The following ZNF540 variants were observed in gnomAD, a reference collection of about 807,000 sequenced individuals.
The protein encoded by ZNF540 is CTD-3064H18.6.
ZNF540 carries 3 observed loss-of-function variants against 11.8 expected under a neutral mutation model. The ratio of observed to expected loss-of-function variants is 0.25; its 90% confidence interval spans 0.12 to 0.65. The LOEUF (loss-of-function observed/expected upper bound fraction) is 0.65. Among genes scored for constraint, ZNF540 ranks in the 30% least tolerant of loss-of-function variants. ZNF540 has a pLI of 0.83. For missense variants in ZNF540, 709 were observed against 793.1 expected (o/e 0.89, Z 1.27); for synonymous variants, 247 against 259.0 (o/e 0.95, Z 0.45).
intron 4 of ZNF540, among the ~76,000 whole-genome samples, chr19:37,609,592 A>C (rs1393336612): frequency 6.6e-5 from 10 of 151,168 alleles, no homozygotes; most frequent in Admixed American, 6.6e-4. Context: ...TCATGCCTGG[A>C]ATCCCAGCTC....
intron 1 of ZNF540, among the ~76,000 whole-genome samples, chr19:37,558,817 T>C (rs2042687881): frequency 2.4e-5 from 2 of 84,462 alleles, no homozygotes; most frequent in Non-Finnish European, 3.7e-5. Context: ...AACTTCACTA[T>C]ATATATATAT....
intron 1 of ZNF540, among the ~76,000 whole-genome samples, chr19:37,561,048 C>CAAAAAAAAA (rs199892724): frequency 4.9e-4 from 36 of 73,764 alleles, no homozygotes; most frequent in Middle Eastern, 0.01. Context: ...CCTGTCTCTA[C>CAAAAAAAAA]AAAAAAAAAA....
At chr19:37,551,835 G>GTGT (rs66891327) in intron 1 of ZNF540, among the ~76,000 whole-genome samples, 3 of 114,486 alleles carry the variant, frequency 2.6e-5, no homozygotes, top group African/African-American at 9.6e-5. Flanking sequence ...TGTGTGTGTG[G>GTGT]GGGGGGTGGT....
chr19:37,610,024 G>A (rs1308454705), intron 4 of ZNF540, among the ~76,000 whole-genome samples: 1 of 152,182 alleles, frequency 6.6e-6, no homozygotes, highest in South Asian at 2.1e-4. Context: ...TTTAAAGGAT[G>A]AGTAGGCAAA....
rs769163050 is a variant in ZNF540 at position 37,604,296 on chromosome 19, CTTTTTTTTTTT to C, written c.232+3210_232+3220del. 4.4e-4 allele frequency among the ~76,000 whole-genome samples: 33 copies of C among 75,276 alleles called. 1 individual carries two copies. Among genetic ancestry groups the C allele is most frequent in the Middle Eastern group, 0.014 (2 of 142 alleles). The allele number at this position is 75,276 out of a possible 152,430, so 49.4% of individuals were successfully genotyped here. On this transcript the variant is annotated intron_variant, in intron 4 of 4. Transcript: ENST00000316433. ...CATAGAGCTTTGGAAAATAGCCTTA[CTTTTTTTTTTT>C]TTTTTTTTTTTTTTTTTTAAGGCGG...
chr19:37,564,428 A>G (rs2042775085), intron 1 of ZNF540: 1 of 481,272 alleles, frequency 2.1e-6, no homozygotes, highest in Admixed American at 3.8e-5. Flanking sequence ...TCTAGCGTTT[A>G]TAGAGATGTT....
upstream of ZNF540, among the ~76,000 whole-genome samples, chr19:37,590,326 A>C (rs1210122400): frequency 6.6e-6 from 1 of 152,136 alleles, no homozygotes; most frequent in Non-Finnish European, 1.5e-5. Flanking sequence ...CTGAGGCAGG[A>C]GAACGGCGTG....
chr19:37,564,627 G>A, intron 1 of ZNF540: 1 of 1,560,618 alleles, frequency 6.4e-7, no homozygotes, highest in Non-Finnish European at 8.7e-7. Context: ...TGTTGAGTAA[G>A]TTGTGAAGGA....
chr19:37,612,982 G>A lies in ZNF540; in HGVS notation c.1702G>A (p.Glu568Lys). The change falls in exon 5 of 5, where the codon GAA becomes AAA. Residue 568 changes from glutamate to lysine, a missense_variant. By Grantham distance (56) the Glu-to-Lys change is moderately conservative (BLOSUM62 1). Transcript: ENST00000316433. ...CTTTAGTCGGCGTGGGCAGTTCACT[G>A]AACATCAGAAAATTCATACGGGTGT... Reference protein sequence around the residue: ...KSFSRRGQFTEHQKIHTGVKP... With the variant: ...KSFSRRGQFTKHQKIHTGVKP... The A allele has an allele frequency of 6.2e-7, 1 of 1,614,132 alleles. No individual in the cohort carries two copies. Among genetic ancestry groups the A allele is most frequent in the Admixed American group, 1.7e-5 (1 of 60,010 alleles).
rs183118267 is a variant in ZNF540 at position 37,586,631 on chromosome 19, T to C, written c.-72-11745T>C. 3.2e-3 allele frequency: 5,205 copies of C among 1,612,950 alleles called. 25 individuals are homozygous for C. The highest frequency in any genetic ancestry group is 7.7e-3 in the Admixed American group (460 of 59,896). On this transcript the variant is annotated intron_variant, in intron 1 of 4. Transcript: ENST00000592533. ...CTGGTGTTCACATTACACAACAAAA[T>C]GATTGTACTTCAAGAAGGAAAGAAA... is the stretch of plus-strand genomic sequence containing the variant.
At chr19:37,565,634 T>C in intron 1 of ZNF540, 3 of 1,613,494 alleles carry the variant, frequency 1.9e-6, no homozygotes, top group Admixed American at 1.7e-5. Context: ...AAGAGTATAT[T>C]GTGAACAATA....
chr19:37,553,588 A>T (rs2042630784), intron 1 of ZNF540, among the ~76,000 whole-genome samples: 1 of 151,866 alleles, frequency 6.6e-6, no homozygotes, highest in Non-Finnish European at 1.5e-5. Context: ...TGTATTTTTT[A>T]AATTATATTC....
At chr19:37,599,146 A>G (rs2044019119) in intron 2 of ZNF540, among the ~76,000 whole-genome samples, 1 of 151,970 alleles carries the variant, frequency 6.6e-6, no homozygotes, top group Non-Finnish European at 1.5e-5. Context: ...CAACAGAGTG[A>G]GATCTCCGTC....
chr19:37,553,747 AAAT>A (rs1167949796), intron 1 of ZNF540, among the ~76,000 whole-genome samples: 1 of 135,226 alleles, frequency 7.4e-6, no homozygotes, highest in Middle Eastern at 3.7e-3. Flanking sequence ...GATCTCACAC[AAAT>A]AATACTTCCA....
At chr19:37,594,666 C>A (rs1447292595), upstream of ZNF540, 3 of 152,374 alleles carry the variant, frequency 2.0e-5, no homozygotes, top group Non-Finnish European at 4.4e-5. Context: ...GTATTCCCAG[C>A]ACCATACAAG....
At position 37,613,330 on chromosome 19, in the gene ZNF540, T is replaced by A; in HGVS notation, c.*67T>A. The A allele has an allele frequency of 1.7e-6, 2 of 1,161,418 alleles. No individual in the cohort carries two copies. The highest frequency in any genetic ancestry group is 2.3e-6 in the Non-Finnish European group (2 of 866,888). The allele number at this position is 1,161,418 out of a possible 1,614,324, so 71.9% of individuals were successfully genotyped here. On this transcript the variant is annotated 3_prime_UTR_variant, in exon 5 of 5. Transcript: ENST00000316433. ...TCAAAATATTTATGGCCAGAAGTTC[T>A]GTCAATGTGTTGATGTTTTTTTACA...
chr19:37,601,101 C>T lies in ZNF540; in HGVS notation c.228C>T (p.Cys76=), dbSNP rs1189308315. The T allele has an allele frequency of 1.9e-6, 3 of 1,573,402 alleles. No individual in the cohort carries two copies. Among genetic ancestry groups the T allele is most frequent in the Admixed American group, 1.9e-5 (1 of 53,844 alleles). ...VVARDVTGRQ[C]PGLLSRHKTK... ...CGAGGGATGTGACAGGAAGACAGTG[C>T]CCCGGTGAGTTGAGAGTTCATCAGG... Residue 76 remains cysteine (C), a synonymous_variant, in exon 4 of 5, where the codon TGC becomes TGT. Transcript: ENST00000316433.
chr19:37,599,604 A>G (rs1421108162), intron 2 of ZNF540, 22 bp from the exon 3 acceptor site: 5 of 1,613,442 alleles, frequency 3.1e-6, no homozygotes, highest in Non-Finnish European at 4.2e-6. Context: ...TTCACCAGTA[A>G]TATGTTGGTT....
rs2044148565 is a variant in ZNF540, at chr19:37,613,326, G to A, written c.*63G>A. 1.2e-5 allele frequency: 14 copies of A among 1,209,494 alleles called. No homozygotes were observed. Among genetic ancestry groups the A allele is most frequent in the Non-Finnish European group, 1.5e-5 (14 of 909,166 alleles). 74.9% of individuals were successfully genotyped at this position (1,209,494 alleles called of 1,614,324 possible). A position where few individuals can be genotyped will look rare whatever the true frequency, so the allele number is the denominator to read the frequency against. On this transcript the variant is annotated 3_prime_UTR_variant, in exon 5 of 5. Transcript: ENST00000316433. Reference sequence around the variant, plus strand: ...AATATCAAAATATTTATGGCCAGAAGTTCTGTCAATGTGTTGATGTTTTTT... The same window carrying A: ...AATATCAAAATATTTATGGCCAGAAATTCTGTCAATGTGTTGATGTTTTTT...
Sources: gnomAD v4.1 joint callset for allele counts (sites outside exome capture counted in the v4.1 genomes callset) on GRCh38, gnomAD v4.1.1 for gene constraint, MANE v1.5 for transcripts, NCBI Gene and HGNC (gene_info 2026-07-23, HGNC 2026-07-21) for gene names.